NKAIN2: variants seen among roughly 807,000 people sequenced by gnomAD.
NKAIN2 encodes sodium/potassium-transporting ATPase subunit beta-1-interacting protein 2.
NKAIN2 carries 14 observed loss-of-function variants against 32.6 expected under a neutral mutation model. The ratio of observed to expected loss-of-function variants is 0.43; its 90% CI spans 0.28 to 0.67. The LOEUF (loss-of-function observed/expected upper bound fraction) is 0.67, where lower values mean the gene tolerates loss of function less well. Among genes scored for constraint, NKAIN2 ranks in the 30% least tolerant of loss-of-function variants. NKAIN2 has a pLI of 0.17. For missense variants in NKAIN2, 198 were observed against 258.3 expected (o/e 0.77, Z 1.60); for synonymous variants, 80 against 87.2 (o/e 0.92, Z 0.46).
intron 3 of NKAIN2, among the ~76,000 whole-genome samples, chr6:124,518,557 T>A (rs949020097): frequency 1.3e-5 from 2 of 152,088 alleles, no homozygotes; most frequent in East Asian, 3.9e-4. Flanking sequence ...CACACACTTG[T>A]ACATAACCAG....
chr6:124,145,738 C>T (rs1347624386), intron 1 of NKAIN2, among the ~76,000 whole-genome samples: 1 of 152,068 alleles, frequency 6.6e-6, no homozygotes, highest in Non-Finnish European at 1.5e-5. Flanking sequence ...ATCTCATGAC[C>T]TCGTGATCCA....
chr6:124,297,344 A>G (rs1390252707), intron 2 of NKAIN2, among the ~76,000 whole-genome samples: 1 of 152,190 alleles, frequency 6.6e-6, no homozygotes, highest in African/African-American at 2.4e-5. Context: ...CAAGCTAGAG[A>G]AAAGAAAATA....
intron 1 of NKAIN2, among the ~76,000 whole-genome samples, chr6:124,164,700 A>C (rs1271609588): frequency 6.6e-6 from 1 of 152,074 alleles, no homozygotes; most frequent in Non-Finnish European, 1.5e-5. Context: ...AGTATGTTTT[A>C]AGTAGTGTGG....
At chr6:124,606,177 C>T (rs1782490195) in intron 3 of NKAIN2, among the ~76,000 whole-genome samples, 1 of 152,024 alleles carries the variant, frequency 6.6e-6, no homozygotes, top group African/African-American at 2.4e-5. Flanking sequence ...CCTCACCTCT[C>T]ACAATTCTGT....
intron 6 of NKAIN2, among the ~76,000 whole-genome samples, chr6:124,822,849 A>G (rs1781448623): frequency 6.6e-6 from 1 of 152,142 alleles, no homozygotes; most frequent in African/African-American, 2.4e-5. Context: ...TTTGACTACC[A>G]GAGACCTATG....
At chr6:124,625,441 C>T (rs923797165) in intron 3 of NKAIN2, among the ~76,000 whole-genome samples, 20 of 152,038 alleles carry the variant, frequency 1.3e-4, no homozygotes, top group African/African-American at 4.8e-4. Context: ...AATGCGAGAG[C>T]TTATGATTCA....
chr6:124,252,026 T>C (rs1340615080), intron 1 of NKAIN2, among the ~76,000 whole-genome samples: 2 of 152,014 alleles, frequency 1.3e-5, no homozygotes, highest in Non-Finnish European at 2.9e-5. Context: ...ATGTACCCCA[T>C]GAATATGTAT....
chr6:124,737,163 G>A (rs1776986261), intron 4 of NKAIN2, among the ~76,000 whole-genome samples: 1 of 151,856 alleles, frequency 6.6e-6, no homozygotes, highest in African/African-American at 2.4e-5. Context: ...GCTTGGCTGT[G>A]TAGCCACCCA....
intron 1 of NKAIN2, among the ~76,000 whole-genome samples, chr6:123,899,011 T>C (rs1250659236): frequency 6.6e-6 from 1 of 152,240 alleles, no homozygotes; most frequent in African/African-American, 2.4e-5. Flanking sequence ...CCTGTAAAGA[T>C]GGATGTGCAC....
chr6:124,757,413 T>C (rs1778017027), intron 4 of NKAIN2, among the ~76,000 whole-genome samples: 1 of 152,130 alleles, frequency 6.6e-6, no homozygotes, highest in South Asian at 2.1e-4. Flanking sequence ...TCTCATTTTT[T>C]CCCAAATTTA....
chr6:124,076,341 G>C (rs1241841736), intron 1 of NKAIN2, among the ~76,000 whole-genome samples: 2 of 152,134 alleles, frequency 1.3e-5, no homozygotes, highest in Non-Finnish European at 2.9e-5. Flanking sequence ...AAAGAAGCTT[G>C]GCTTGAGAGA....
At chr6:124,552,441 T>C (rs1178309462) in intron 3 of NKAIN2, among the ~76,000 whole-genome samples, 1 of 152,200 alleles carries the variant, frequency 6.6e-6, no homozygotes, top group African/African-American at 2.4e-5. Flanking sequence ...TATAATCCAG[T>C]AGCTGGTGGC....
At chr6:124,781,089 C>CTT (rs200039483) in intron 4 of NKAIN2, among the ~76,000 whole-genome samples, 2 of 151,994 alleles carry the variant, frequency 1.3e-5, no homozygotes, top group African/African-American at 4.8e-5. Context: ...TTAATTTTAA[C>CTT]TTTTTTTTAA....
intron 3 of NKAIN2, among the ~76,000 whole-genome samples, chr6:124,398,157 G>T (rs1773470002): frequency 6.7e-6 from 1 of 149,936 alleles, no homozygotes; most frequent in South Asian, 2.1e-4. Flanking sequence ...GGAGGCTGAG[G>T]CAGGAGAATG....
chr6:124,181,501 G>T (rs1454956896), intron 1 of NKAIN2, among the ~76,000 whole-genome samples: 2 of 152,032 alleles, frequency 1.3e-5, no homozygotes, highest in East Asian at 1.9e-4. Context: ...TGCTCTGCTT[G>T]CCTTTTAAAC....
chr6:123,898,407 C>A (rs1270337798), intron 1 of NKAIN2, among the ~76,000 whole-genome samples: 2 of 152,162 alleles, frequency 1.3e-5, no homozygotes, highest in Admixed American at 6.5e-5. Context: ...ATCTTTCTTA[C>A]AAATTATGGA....
At chr6:124,135,539 AGAC>A (rs1210695233) in intron 1 of NKAIN2, among the ~76,000 whole-genome samples, 2 of 150,504 alleles carry the variant, frequency 1.3e-5, no homozygotes, top group African/African-American at 4.9e-5. Flanking sequence ...AAAAAAAAGA[AGAC>A]ATTATATAAT....
At chr6:124,680,061 C>T (rs1204059030) in intron 4 of NKAIN2, among the ~76,000 whole-genome samples, 1 of 137,526 alleles carries the variant, frequency 7.3e-6, no homozygotes, top group African/African-American at 2.8e-5. Flanking sequence ...CTCTTATGTG[C>T]TATATTTTCT....
intron 1 of NKAIN2, among the ~76,000 whole-genome samples, chr6:124,135,180 G>A (rs754476023): frequency 3.3e-5 from 5 of 150,640 alleles, no homozygotes; most frequent in African/African-American, 7.3e-5. Flanking sequence ...TCCTTGAACC[G>A]TAAATCTCAC....
Sources: gnomAD v4.1 joint callset for allele counts (sites outside exome capture counted in the v4.1 genomes callset) on GRCh38, gnomAD v4.1.1 for gene constraint, MANE v1.5 for transcripts, NCBI Gene and HGNC (gene_info 2026-07-23, HGNC 2026-07-21) for gene names.